RBFOX1: variants seen among roughly 807,000 people sequenced by gnomAD.
RBFOX1 encodes RNA binding fox-1 homolog 1.
A neutral mutation model predicts 57.7 loss-of-function variants in RBFOX1; 8 were observed. The observed-to-expected ratio is 0.14, with a 90% CI of 0.08 to 0.25. The LOEUF (loss-of-function observed/expected upper bound fraction) is 0.25, where lower values mean the gene tolerates loss of function less well. RBFOX1 is among the 10% of genes least tolerant of loss of function. The pLI, the probability that RBFOX1 is intolerant of heterozygous loss-of-function variation, is 1.00. For synonymous variants in RBFOX1, 326 were observed against 222.4 expected, an observed-to-expected ratio of 1.47 and a Z score of -4.15; for missense variants, 611 against 548.5, an observed-to-expected ratio of 1.11 and a Z score of -1.14.
chr16:6,112,429 G>T (rs1003154679), intron 1 of RBFOX1, among the ~76,000 whole-genome samples: 1 of 152,272 alleles, frequency 6.6e-6, no homozygotes, highest in African/African-American at 2.4e-5. Flanking sequence ...GGTGACTCAC[G>T]CCTGTAATCC....
chr16:6,481,029 T>G (rs1233076208), intron 2 of RBFOX1, among the ~76,000 whole-genome samples: 3 of 152,190 alleles, frequency 2.0e-5, no homozygotes, highest in Admixed American at 6.5e-5. Flanking sequence ...CTTGTGCATG[T>G]TTTTTAGGAC....
intron 3 of RBFOX1, among the ~76,000 whole-genome samples, chr16:5,635,347 C>A (rs536313471): frequency 2.6e-5 from 4 of 152,258 alleles, no homozygotes; most frequent in African/African-American, 9.6e-5. Flanking sequence ...CCTAGCCTGT[C>A]CCTCTCTCTG....
intron 4 of RBFOX1, among the ~76,000 whole-genome samples, chr16:7,187,055 C>T (rs534428509): frequency 6.7e-6 from 1 of 149,718 alleles, no homozygotes; most frequent in East Asian, 2.0e-4. Flanking sequence ...GTGGTCCCAG[C>T]TACTTGGGAG....
At chr16:7,031,152 C>T (rs2042689285) in intron 3 of RBFOX1, among the ~76,000 whole-genome samples, 2 of 152,188 alleles carry the variant, frequency 1.3e-5, no homozygotes, top group South Asian at 2.1e-4. Flanking sequence ...ATAGTGGCTA[C>T]AGCTTTGCAT....
chr16:5,746,336 C>T (rs1425010774), intron 3 of RBFOX1, among the ~76,000 whole-genome samples: 2 of 152,206 alleles, frequency 1.3e-5, no homozygotes, highest in African/African-American at 2.4e-5. Context: ...GTTTTGGTTA[C>T]TGTAGCCTTG....
intron 1 of RBFOX1, among the ~76,000 whole-genome samples, chr16:5,461,673 C>G (rs2068792446): frequency 6.6e-6 from 1 of 152,172 alleles, no homozygotes; most frequent in African/African-American, 2.4e-5. Flanking sequence ...GACCTGGTGG[C>G]CACGGTGCAT....
At chr16:7,243,070 C>T (rs938880961) in intron 4 of RBFOX1, among the ~76,000 whole-genome samples, 6 of 151,934 alleles carry the variant, frequency 3.9e-5, no homozygotes, top group Non-Finnish European at 7.4e-5. Flanking sequence ...AATATATTCC[C>T]TTTATTCTTT....
chr16:7,359,267 A>C (rs1017487625), intron 4 of RBFOX1, among the ~76,000 whole-genome samples: 1 of 152,224 alleles, frequency 6.6e-6, no homozygotes, highest in African/African-American at 2.4e-5. Flanking sequence ...ATCATAGGAT[A>C]TGTAAAATAG....
intron 4 of RBFOX1, among the ~76,000 whole-genome samples, chr16:5,933,393 T>G (rs193210141): frequency 7.9e-5 from 12 of 152,330 alleles, no homozygotes; most frequent in Non-Finnish European, 1.2e-4. Flanking sequence ...TATGCACGCA[T>G]GTACCAGGGA....
chr16:7,100,353 A>G (rs369357460), intron 4 of RBFOX1, among the ~76,000 whole-genome samples: 1 of 152,078 alleles, frequency 6.6e-6, no homozygotes, highest in Non-Finnish European at 1.5e-5. Flanking sequence ...TGCTATATGA[A>G]GTAGAATCTG....
intron 1 of RBFOX1, among the ~76,000 whole-genome samples, chr16:5,391,718 C>G (rs1261506122): frequency 6.6e-6 from 1 of 152,028 alleles, no homozygotes; most frequent in African/African-American, 2.4e-5. Flanking sequence ...TACATGTCAT[C>G]TCCCTTCTGT....
At chr16:7,092,699 G>T (rs1044652915) in intron 4 of RBFOX1, among the ~76,000 whole-genome samples, 1 of 152,284 alleles carries the variant, frequency 6.6e-6, no homozygotes, top group Middle Eastern at 3.4e-3. Flanking sequence ...CGCCTTGGGG[G>T]ACGCACAGTT....
Position 6,070,582 on chromosome 16 carries a change from C to T in RBFOX1, c.-127+50590C>T, listed in dbSNP as rs968556057. ...TAACACAGAATGATACAAAACAGCC[C>T]GAAGAAGCAGCTGGCTATGGAGAGG... On this transcript the variant is annotated intron_variant, in intron 1 of 15. Transcript: ENST00000550418. 6.6e-5 allele frequency among the ~76,000 whole-genome samples: 10 copies of T among 152,110 alleles called. No homozygotes were observed. In the East Asian group the frequency reaches 1.5e-3, roughly 24 times the overall value.
At chr16:6,427,321 T>G (rs2093958132) in intron 2 of RBFOX1, among the ~76,000 whole-genome samples, 1 of 152,212 alleles carries the variant, frequency 6.6e-6, no homozygotes, top group African/African-American at 2.4e-5. Context: ...ATGTTTACAT[T>G]ATTCTCCTTG....
chr16:7,265,140 A>T (rs2095077812), intron 4 of RBFOX1, among the ~76,000 whole-genome samples: 1 of 152,214 alleles, frequency 6.6e-6, no homozygotes, highest in South Asian at 2.1e-4. Context: ...TCTGCGCACT[A>T]AGGGTGCAGT....
At chr16:5,517,087 C>A (rs1022340964) in intron 2 of RBFOX1, among the ~76,000 whole-genome samples, 1 of 151,622 alleles carries the variant, frequency 6.6e-6, no homozygotes, top group Non-Finnish European at 1.5e-5. Context: ...TAGAAGACCT[C>A]CAGTGGTTGG....
chr16:5,432,424 A>T (rs1032677118), intron 1 of RBFOX1, among the ~76,000 whole-genome samples: 5 of 151,722 alleles, frequency 3.3e-5, no homozygotes, highest in African/African-American at 1.2e-4. Flanking sequence ...ACGCACCCGT[A>T]TTTATTGTCC....
intron 3 of RBFOX1, among the ~76,000 whole-genome samples, chr16:6,941,358 CTCTATGG>C (rs2078482440): frequency 7.0e-6 from 1 of 143,762 alleles, no homozygotes; most frequent in Non-Finnish European, 1.5e-5. Context: ...TTCCTTCCTT[CTCTATGG>C]CTTCCAGCAA....
At chr16:6,720,224 T>C (rs774871221) in intron 3 of RBFOX1, among the ~76,000 whole-genome samples, 33 of 152,192 alleles carry the variant, frequency 2.2e-4, no homozygotes, top group Non-Finnish European at 4.4e-4. Flanking sequence ...GGATACTTAA[T>C]GAAATACTGC....
Sources: allele counts gnomAD v4.1 joint callset (sites outside exome capture counted in the v4.1 genomes callset), GRCh38; gene constraint gnomAD v4.1.1; transcripts MANE v1.5; gene names NCBI Gene and HGNC (gene_info 2026-07-23, HGNC 2026-07-21).